ZBTB20: variants seen among roughly 807,000 people sequenced by gnomAD.
ZBTB20 encodes zinc finger and BTB domain-containing protein 20.
Under a neutral mutation model 56.9 loss-of-function variants are expected in ZBTB20, and 9 were observed. The ratio of observed to expected loss-of-function variants is 0.16; its 90% CI spans 0.10 to 0.28. The LOEUF (loss-of-function observed/expected upper bound fraction) is 0.28. Among genes scored for constraint, ZBTB20 ranks in the 10% least tolerant of loss-of-function variants. The pLI, the probability that ZBTB20 is intolerant of heterozygous loss-of-function variation, is 1.00. For synonymous variants in ZBTB20, 417 were observed against 420.7 expected, an observed-to-expected ratio of 0.99 and a Z score of 0.11; for missense variants, 655 against 1,003.0, an observed-to-expected ratio of 0.65 and a Z score of 4.69.
chr3:114,438,190 G>A (rs2090649939), intron 7 of ZBTB20, among the ~76,000 whole-genome samples: 1 of 152,110 alleles, frequency 6.6e-6, no homozygotes, highest in South Asian at 2.1e-4. Context: ...GGGTCTGAGA[G>A]AGGCAGAAGC....
chr3:114,729,945 A>T (rs1249953800), intron 5 of ZBTB20, among the ~76,000 whole-genome samples: 1 of 147,308 alleles, frequency 6.8e-6, no homozygotes, highest in Non-Finnish European at 1.5e-5. Context: ...CTGGGATCAC[A>T]CATCCGGCTA....
chr3:114,878,208 T>C (rs2107573364), intron 4 of ZBTB20, among the ~76,000 whole-genome samples: 1 of 152,266 alleles, frequency 6.6e-6, no homozygotes, highest in African/African-American at 2.4e-5. Flanking sequence ...GTCTCATTCC[T>C]AAAACAACCT....
chr3:114,350,822 C>A lies in ZBTB20; in HGVS notation c.1256G>T (p.Gly419Val), dbSNP rs1325176250. The change falls in exon 11 of 12, where the codon GGT becomes GTT. Residue 419 changes from glycine (G) to valine (V), a missense_variant. Physicochemically the swap from Gly to Val is moderately radical, Grantham distance 109. Around this residue, in one of 10 missense-constraint regions of ZBTB20, gnomAD observed 156 missense variants for 181.0 expected, o/e 0.86. Coordinates refer to ENST00000675478, the MANE Select transcript of ZBTB20 (RefSeq NM_001348800.3). Reference protein sequence around the residue: ...PEQAAEAPAEGGPQTNQLETG... With the variant: ...PEQAAEAPAEVGPQTNQLETG... ...TTCTAGCTGGTTTGTCTGCGGACCA[C>A]CCTCAGCGGGGGCTTCTGCAGCCTG... 3 of 1,613,308 alleles carry A rather than the reference C, an allele frequency of 1.9e-6. No homozygotes were observed. Among genetic ancestry groups the A allele is most frequent in the African/African-American group, 1.3e-5 (1 of 74,906 alleles).
intron 6 of ZBTB20, among the ~76,000 whole-genome samples, chr3:114,618,724 C>G (rs1186545643): frequency 6.6e-6 from 1 of 151,998 alleles, no homozygotes; most frequent in Non-Finnish European, 1.5e-5. Flanking sequence ...TAGATGAGTC[C>G]CAGAAAGGTT....
At chr3:114,409,125 CTTTTTTTTTTTTTTT>C (rs56339103) in intron 7 of ZBTB20, among the ~76,000 whole-genome samples, 4 of 71,980 alleles carry the variant, frequency 5.6e-5, no homozygotes, top group African/African-American at 1.2e-4. Context: ...AAAGGGAAGA[CTTTTTTTTTTTTTTT>C]TTTTTTTTTT....
At position 114,816,012 on chromosome 3, in the gene ZBTB20, T is replaced by A. The variant is rs1005001976; in HGVS notation, c.-416-14838A>T. On this transcript the variant is annotated intron_variant, in intron 4 of 11. Transcript: ENST00000675478. Reference sequence around the variant, plus strand: ...AGGTAAAGTGCCATAAAAGCCCCAATGCATCTCTCTCAAGAGTCTAATCTT... The same window carrying A: ...AGGTAAAGTGCCATAAAAGCCCCAAAGCATCTCTCTCAAGAGTCTAATCTT... Among the ~76,000 whole-genome samples, 38 of 152,228 alleles carry A rather than the reference T, an allele frequency of 2.5e-4. 1 individual carries two copies. Among genetic ancestry groups the A allele is most frequent in the Admixed American group, 1.8e-3 (28 of 15,284 alleles).
intron 6 of ZBTB20, among the ~76,000 whole-genome samples, chr3:114,651,438 T>C (rs1365613450): frequency 1.3e-5 from 2 of 151,678 alleles, no homozygotes; most frequent in African/African-American, 4.8e-5. Flanking sequence ...GAAAATAAAC[T>C]GAAATCTTGC....
chr3:115,055,882 A>C (rs1308630988), intron 2 of ZBTB20, among the ~76,000 whole-genome samples: 1 of 152,148 alleles, frequency 6.6e-6, no homozygotes, highest in Non-Finnish European at 1.5e-5. Context: ...ATTATAAGAA[A>C]ACACTAAGAA....
chr3:115,021,495 T>C (rs1243170947), intron 2 of ZBTB20, among the ~76,000 whole-genome samples: 2 of 150,960 alleles, frequency 1.3e-5, no homozygotes, highest in Non-Finnish European at 3.0e-5. Context: ...TACTGTTAAA[T>C]ATTTATGTGT....
intron 5 of ZBTB20, among the ~76,000 whole-genome samples, chr3:114,766,298 C>A (rs2056533): frequency 6.6e-6 from 1 of 151,874 alleles, no homozygotes; most frequent in South Asian, 2.1e-4. Context: ...GGCACAGAAA[C>A]GGATAAAAAA....
At position 114,333,790 on chromosome 3, in the gene ZBTB20, A is replaced by T. The variant is rs183079161; in HGVS notation, c.*5215T>A. ...AAAAGAGAGTCTGTCGACCCTGCCCATGGAAAAGCCCAGAGATTTCTCTAA... is the reference window on the plus strand; with the variant it reads ...AAAAGAGAGTCTGTCGACCCTGCCCTTGGAAAAGCCCAGAGATTTCTCTAA... On this transcript the variant is annotated 3_prime_UTR_variant, in exon 12 of 12. Transcript: ENST00000675478. The T allele has an allele frequency of 2.6e-5, 4 of 152,288 alleles. No individual in the cohort carries two copies. The East Asian group carries it at 7.7e-4, about 29-fold the overall frequency. 9.4% of individuals were successfully genotyped at this position (152,288 alleles called of 1,614,324 possible). A position where few individuals can be genotyped will look rare whatever the true frequency, so the allele number is the denominator to read the frequency against.
At chr3:115,036,477 C>T (rs2080927140) in intron 2 of ZBTB20, among the ~76,000 whole-genome samples, 1 of 151,954 alleles carries the variant, frequency 6.6e-6, no homozygotes, top group African/African-American at 2.4e-5. Context: ...TGCAGTGGTG[C>T]GATCTCGGCT....
intron 4 of ZBTB20, among the ~76,000 whole-genome samples, chr3:114,877,982 A>G (rs2076258924): frequency 6.6e-6 from 1 of 152,174 alleles, no homozygotes; most frequent in African/African-American, 2.4e-5. Flanking sequence ...TGTTTCAGAT[A>G]TACCAGGCTC....
At chr3:114,678,442 AG>A (rs1318071299) in intron 6 of ZBTB20, among the ~76,000 whole-genome samples, 4 of 152,200 alleles carry the variant, frequency 2.6e-5, no homozygotes. Flanking sequence ...AGTCAACTAT[AG>A]GATATTGTTA....
At chr3:115,022,307 A>G (rs1417005441) in intron 2 of ZBTB20, among the ~76,000 whole-genome samples, 3 of 151,062 alleles carry the variant, frequency 2.0e-5, no homozygotes, top group African/African-American at 7.3e-5. Flanking sequence ...TGTCTATTAC[A>G]TAATGAAAAT....
intron 6 of ZBTB20, among the ~76,000 whole-genome samples, chr3:114,567,306 A>G (rs745529658): frequency 1.3e-5 from 2 of 152,234 alleles, no homozygotes; most frequent in African/African-American, 4.8e-5. Context: ...AAAAAATTGC[A>G]GTGAAATCAA....
At chr3:115,023,776 G>A (rs981306301) in intron 2 of ZBTB20, among the ~76,000 whole-genome samples, 11 of 150,384 alleles carry the variant, frequency 7.3e-5, no homozygotes, top group Admixed American at 1.3e-4. Context: ...CACTACTGGT[G>A]TACTCAGAGG....
At chr3:114,600,545 G>T (rs971948454) in intron 6 of ZBTB20, among the ~76,000 whole-genome samples, 1 of 152,090 alleles carries the variant, frequency 6.6e-6, no homozygotes, top group Non-Finnish European at 1.5e-5. Flanking sequence ...CCTTTAATGT[G>T]AGATTCTCAA....
At chr3:115,105,827 T>C (rs1215596279) in intron 1 of ZBTB20, among the ~76,000 whole-genome samples, 1 of 152,188 alleles carries the variant, frequency 6.6e-6, no homozygotes, top group Admixed American at 6.5e-5. Context: ...GGGTTTTGTT[T>C]GTTTGTTTGT....
Sources: gnomAD v4.1 joint callset for allele counts (sites outside exome capture counted in the v4.1 genomes callset) on GRCh38, gnomAD v4.1.1 for gene constraint, gnomAD v4.1.1 regional missense constraint, MANE v1.5 for transcripts, NCBI Gene and HGNC (gene_info 2026-07-23, HGNC 2026-07-21) for gene names.